LMLN: variants seen among roughly 807,000 people sequenced by gnomAD.
LMLN encodes the protein leishmanolysin like peptidase, also known as leishmanolysin-like peptidase.
In LMLN, 70 loss-of-function variants were observed where a neutral mutation model predicts 92.3. The observed-to-expected ratio is 0.76, with a 90% CI of 0.63 to 0.92. LMLN has a LOEUF of 0.92. Ranked by LOEUF, LMLN falls within the 40% of genes least tolerant of loss-of-function variation. The pLI, the probability that LMLN is intolerant of heterozygous loss-of-function variation, is 0.00. For synonymous variants in LMLN, 308 were observed against 296.2 expected (o/e 1.04, Z -0.41); for missense variants, 691 against 814.6 (o/e 0.85, Z 1.85).
chr3:198,030,414 C>A (rs576890565), intron 14 of LMLN, among the ~76,000 whole-genome samples: 56 of 152,174 alleles, frequency 3.7e-4, no homozygotes, highest in Non-Finnish European at 4.9e-4. Context: ...CCCAGTATTT[C>A]GTTTTCTCTG....
chr3:197,988,932 C>A (rs1173188837), intron 8 of LMLN, among the ~76,000 whole-genome samples: 2 of 152,320 alleles, frequency 1.3e-5, no homozygotes, highest in Non-Finnish European at 2.9e-5. Context: ...ATTCGCCCAT[C>A]TCGGCCTCCC....
chr3:198,029,338 T>C (rs1723016675), intron 14 of LMLN, among the ~76,000 whole-genome samples: 1 of 152,244 alleles, frequency 6.6e-6, no homozygotes, highest in Non-Finnish European at 1.5e-5. Context: ...ATCAAACTTT[T>C]ACATGCAAAT....
intron 11 of LMLN, among the ~76,000 whole-genome samples, chr3:198,013,069 C>T (rs1722498347): frequency 4.4e-5 from 6 of 135,338 alleles, no homozygotes; most frequent in African/African-American, 6.2e-5. Flanking sequence ...CTTCAGAGCC[C>T]CCTAACTAGT....
chr3:198,026,064 C>T (rs1393247377), intron 14 of LMLN, among the ~76,000 whole-genome samples: 1 of 151,850 alleles, frequency 6.6e-6, no homozygotes, highest in African/African-American at 2.4e-5. Flanking sequence ...AGGCGATTCT[C>T]CCACCTCAGC....
chr3:198,008,194 C>T (rs923862910), intron 11 of LMLN, among the ~76,000 whole-genome samples: 1 of 151,952 alleles, frequency 6.6e-6, no homozygotes, highest in Non-Finnish European at 1.5e-5. Flanking sequence ...GGAGTTTTCT[C>T]TTTTTTCCCC....
chr3:197,984,477 T>G (rs1454314922), intron 7 of LMLN, among the ~76,000 whole-genome samples: 1 of 149,800 alleles, frequency 6.7e-6, no homozygotes, highest in East Asian at 2.0e-4. Flanking sequence ...GGCAGAGCCC[T>G]GGGCTGCTGC....
chr3:198,018,371 A>G (rs1722695322), intron 11 of LMLN, among the ~76,000 whole-genome samples: 2 of 152,236 alleles, frequency 1.3e-5, no homozygotes, highest in African/African-American at 4.8e-5. Context: ...TGCATGTGCC[A>G]GGCACTGAGT....
At chr3:197,978,400 C>T (rs1721464587) in intron 5 of LMLN, among the ~76,000 whole-genome samples, 1 of 152,092 alleles carries the variant, frequency 6.6e-6, no homozygotes, top group African/African-American at 2.4e-5. Flanking sequence ...CTTTGGGAGG[C>T]CAAGGCAGGC....
exon 16 of LMLN, chr3:198,038,907 AGCAACCCAACCACCTCG>A (rs879576988): frequency 0.053 from 20,677 of 392,014 alleles, 781 homozygotes; most frequent in African/African-American, 0.1. Context: ...CCACCTCGTC[AGCAACCCAACCACCTCG>A]TCAGCAACCC....
Position 197,980,395 on chromosome 3 carries a change from T to C in LMLN, c.619T>C (p.Ser207Pro), listed in dbSNP as rs1472217203. Residue 207 changes from serine (S) to proline (P), a missense_variant, in exon 6 of 16, where the codon TCA becomes CCA. By Grantham distance (74) the Ser-to-Pro change is moderately conservative. Around this residue, in one of 4 missense-constraint regions of LMLN, gnomAD observed 240 missense variants for 287.3 expected, o/e 0.84. Transcript: ENST00000330198. ...GGGTGTGCCAGACCAAGAAGGCATC[T>C]CAGATGCAGACTTTGTTCTTTACGT... 3 of 1,613,978 alleles carry C rather than the reference T, an allele frequency of 1.9e-6. No homozygotes were observed. The Admixed American group carries it at 5.0e-5, about 27-fold the overall frequency.
intron 13 of LMLN, among the ~76,000 whole-genome samples, chr3:198,023,391 G>A (rs957374243): frequency 1.1e-4 from 17 of 151,966 alleles, no homozygotes; most frequent in Admixed American, 9.8e-4. Flanking sequence ...GGCTTGCTAT[G>A]TTACCCAGAC....
Position 198,007,239 on chromosome 3 carries a change from G to C in LMLN, c.1232+7897G>C, listed in dbSNP as rs966777020. 2.0e-5 allele frequency among the ~76,000 whole-genome samples: 3 copies of C among 152,256 alleles called. No individual in the cohort carries two copies. The East Asian group carries it at 5.8e-4, about 29-fold the overall frequency. On this transcript the variant is annotated intron_variant, in intron 11 of 15. Transcript: ENST00000330198. The stretch of plus-strand genomic sequence containing the variant: ...CCTCTTACTGTGTCTTTGATGTCAA[G>C]TCTAAGAAGTGTTTGCCAAGCTCTA...
At chr3:198,038,891 ACCCAACCACCTC>A in exon 16 of LMLN, 1 of 276,442 alleles carries the variant, frequency 3.6e-6, no homozygotes, top group Non-Finnish European at 6.0e-6. Flanking sequence ...TTCATCAGCA[ACCCAACCACCTC>A]GTCAGCAACC....
intron 13 of LMLN, among the ~76,000 whole-genome samples, chr3:198,023,592 A>G (rs1484753510): frequency 1.3e-5 from 2 of 152,274 alleles, no homozygotes; most frequent in Non-Finnish European, 2.9e-5. Context: ...TTTAGCTTAT[A>G]TAATTCAGAT....
intron 13 of LMLN, among the ~76,000 whole-genome samples, chr3:198,023,650 G>A (rs1384056829): frequency 6.6e-6 from 1 of 152,010 alleles, no homozygotes; most frequent in African/African-American, 2.4e-5. Flanking sequence ...TTTTAAAATG[G>A]GCTAATTGAA....
chr3:198,021,929 CT>C (rs1412374322), intron 13 of LMLN, among the ~76,000 whole-genome samples: 1 of 152,222 alleles, frequency 6.6e-6, no homozygotes, highest in East Asian at 1.9e-4. Context: ...CTGCACGGCA[CT>C]TTCCATTTGC....
intron 9 of LMLN, 145 bp downstream of exon 9, chr3:197,990,821 A>G: frequency 3.8e-6 from 2 of 524,038 alleles, no homozygotes; most frequent in South Asian, 5.9e-5. Flanking sequence ...CAATGAAGCT[A>G]CGGGCCACGA....
chr3:198,042,032 G>A lies in LMLN; in HGVS notation c.*3365G>A, dbSNP rs1482889607. 6.6e-6 allele frequency: 1 copy of A among 152,148 alleles called. No homozygotes were observed. The highest frequency in any genetic ancestry group is 1.5e-5 in the Non-Finnish European group (1 of 68,032). The allele number at this position is 152,148 out of a possible 1,614,324, so 9.4% of individuals were successfully genotyped here. On this transcript the variant is annotated 3_prime_UTR_variant, in exon 16 of 16. Transcript: ENST00000330198. This position sits in a 1 kb window ranked among gnomAD's most constrained non-coding sequence, Gnocchi z 4.2. ...AAGCTTGGGAACCTGGTCGCCCAGT[G>A]TTTTCTCTGGACAAATGTGAAACTG...
In LMLN at chr3:197,961,293, T is replaced by A. The variant is rs570519017; in HGVS notation, c.219+853T>A. Among the ~76,000 whole-genome samples, 4 of 152,296 alleles carry A rather than the reference T, an allele frequency of 2.6e-5. No individual in the cohort carries two copies. In the South Asian group the frequency reaches 8.3e-4, roughly 32 times the overall value. On this transcript the variant is annotated intron_variant, in intron 1 of 15. Coordinates refer to ENST00000330198, the Ensembl canonical transcript of LMLN. ...TCACAGTATTTAGGTCAGAGGTGGG[T>A]CCACGATAATCCATATTCTTTGAGA...
Sources: gnomAD v4.1 joint callset for allele counts (sites outside exome capture counted in the v4.1 genomes callset) on GRCh38, gnomAD v4.1.1 for gene constraint, gnomAD v4.1.1 regional missense constraint, Gnocchi (gnomAD v3.1) non-coding constraint, MANE v1.5 for transcripts, NCBI Gene and HGNC (gene_info 2026-07-23, HGNC 2026-07-21) for gene names.